Variants in TARDBP observed in about 807,000 individuals in gnomAD.
TARDBP encodes the protein TAR DNA-binding protein 43.
TARDBP carries 4 observed loss-of-function variants against 38.3 expected under a neutral mutation model. That is an observed-to-expected ratio of 0.10 (90% CI 0.05 to 0.24). TARDBP has a LOEUF of 0.24. Among genes scored for constraint, TARDBP ranks in the 10% least tolerant of loss-of-function variants. The pLI, the probability that TARDBP is intolerant of heterozygous loss-of-function variation, is 1.00. For synonymous variants in TARDBP, 184 were observed against 183.8 expected, an observed-to-expected ratio of 1.00 and a Z score of -0.01; for missense variants, 202 against 521.9, an observed-to-expected ratio of 0.39 and a Z score of 5.97.
chr1:11,012,736 C>T lies in TARDBP; in HGVS notation c.-20C>T, dbSNP rs1447950051. ...TCCCTGTCGGGCTTCCCAGCAGCGG[C>T]CTAGCGGGTGAGTCGCGGAGCCTTC... On this transcript the variant is annotated 5_prime_UTR_variant, in exon 1 of 6. Coordinates refer to ENST00000240185, the MANE Select transcript of TARDBP (RefSeq NM_007375.4). The T allele has an allele frequency of 6.6e-6, 1 of 152,310 alleles. No individual in the cohort carries two copies. Among genetic ancestry groups the T allele is most frequent in the African/African-American group, 2.4e-5 (1 of 41,470 alleles). 9.4% of individuals were successfully genotyped at this position (152,310 alleles called of 1,614,324 possible).
chr1:11,020,768 G>A (rs181424644), intron 5 of TARDBP, among the ~76,000 whole-genome samples, 169 bp downstream of exon 5: 22 of 150,926 alleles, frequency 1.5e-4, no homozygotes, highest in Middle Eastern at 3.4e-3. Flanking sequence ...AAAAAAAATA[G>A]CTCGGTGTGG....
At chr1:11,026,910 A>G (rs751026105), downstream of TARDBP, 1 of 1,491,940 alleles carries the variant, frequency 6.7e-7, no homozygotes, top group Admixed American at 2.5e-5. Flanking sequence ...TATGTTCTCG[A>G]TCCAGGGAAT....
downstream of TARDBP, chr1:11,027,169 C>T: frequency 6.2e-7 from 1 of 1,614,138 alleles, no homozygotes; most frequent in Non-Finnish European, 8.5e-7. Flanking sequence ...TGATGGTCAA[C>T]AATCGGTATG....
At chr1:11,019,245 G>T in intron 4 of TARDBP, 2 of 315,346 alleles carry the variant, frequency 6.3e-6, no homozygotes, top group Non-Finnish European at 1.2e-5. Context: ...AATAACATTG[G>T]CTTATTTGGA....
chr1:11,028,013 G>T (rs1288885610), downstream of TARDBP, among the ~76,000 whole-genome samples: 30 of 152,144 alleles, frequency 2.0e-4, no homozygotes, highest in Admixed American at 2.0e-3. Context: ...CCTGAGGTCA[G>T]GAGTTTGAGA....
In TARDBP at chr1:11,023,276, A is replaced by G. The variant is rs1327650115; in HGVS notation, c.*622A>G. 4.5e-6 allele frequency: 7 copies of G among 1,546,960 alleles called. No individual in the cohort carries two copies. The highest frequency in any genetic ancestry group is 1.4e-5 in the African/African-American group (1 of 73,102). Reference sequence around the variant, plus strand: ...ATTCTGCCATAGGAATACTGTCTACATGCTTTCTCATTCAAGAATTCGTCA... The same window carrying G: ...ATTCTGCCATAGGAATACTGTCTACGTGCTTTCTCATTCAAGAATTCGTCA... On this transcript the variant is annotated 3_prime_UTR_variant, in exon 6 of 6. Coordinates refer to ENST00000240185, the MANE Select transcript of TARDBP (RefSeq NM_007375.4).
At chr1:11,014,407 T>C (rs1643474360) in intron 2 of TARDBP, among the ~76,000 whole-genome samples, 1 of 152,216 alleles carries the variant, frequency 6.6e-6, no homozygotes. Context: ...GCAGTTCCAA[T>C]TACAATTTCG....
chr1:11,018,956 A>G, intron 4 of TARDBP, 83 bp downstream of exon 4: 1 of 1,592,858 alleles, frequency 6.3e-7, no homozygotes, highest in Non-Finnish European at 8.6e-7. Flanking sequence ...ACACTTAGAA[A>G]AGATAGCGGC....
intron 3 of TARDBP, 113 bp downstream of exon 3, chr1:11,017,120 C>G (rs749616976): frequency 3.1e-5 from 38 of 1,222,622 alleles, no homozygotes; most frequent in Non-Finnish European, 4.3e-5. Context: ...GTTCTGGCGT[C>G]AAACTCCTGG....
At chr1:11,020,832 TG>T (rs983746420) in intron 5 of TARDBP, among the ~76,000 whole-genome samples, 5 of 151,940 alleles carry the variant, frequency 3.3e-5, no homozygotes, top group Non-Finnish European at 7.4e-5. Context: ...GGGAATCGCT[TG>T]AACCCAGGAG....
At chr1:11,016,790 T>G in intron 2 of TARDBP, 54 bp from the exon 3 acceptor site, 2 of 1,586,702 alleles carry the variant, frequency 1.3e-6, no homozygotes, top group Non-Finnish European at 1.7e-6. Context: ...AGGTAGTGTT[T>G]TTAAAGAAGT....
At chr1:11,021,283 T>C (rs185182703) in intron 5 of TARDBP, among the ~76,000 whole-genome samples, 176 of 152,038 alleles carry the variant, frequency 1.2e-3, no homozygotes, top group African/African-American at 4.1e-3. Flanking sequence ...GGATTACAGG[T>C]GCCTGCCACC....
chr1:11,022,890 C>G lies in TARDBP; in HGVS notation c.*236C>G. 1.5e-6 allele frequency: 2 copies of G among 1,364,030 alleles called. No individual in the cohort carries two copies. Among genetic ancestry groups the G allele is most frequent in the Non-Finnish European group, 1.9e-6 (2 of 1,060,340 alleles). The allele number at this position is 1,364,030 out of a possible 1,614,324, so 84.5% of individuals were successfully genotyped here. On this transcript the variant is annotated 3_prime_UTR_variant, in exon 6 of 6. Coordinates refer to ENST00000240185, the MANE Select transcript of TARDBP (RefSeq NM_007375.4). The surrounding 1 kb of genome is among the most constrained non-coding windows in gnomAD (Gnocchi z 4.5). Reference sequence around the variant, plus strand: ...ATATTGAGTGGTTGAAAGTGAACTGCTGTTTGCCTGATTGGTAAACCAACA... The same window carrying G: ...ATATTGAGTGGTTGAAAGTGAACTGGTGTTTGCCTGATTGGTAAACCAACA...
intron 3 of TARDBP, chr1:11,018,488 C>T: frequency 1.9e-6 from 1 of 530,976 alleles, no homozygotes; most frequent in Non-Finnish European, 3.3e-6. Flanking sequence ...CGCGCCTGGC[C>T]CCATCTCTCT....
rs778268123 is a variant in TARDBP, at chr1:11,017,089, G to A, written c.402+82G>A. 7.6e-6 allele frequency: 11 copies of A among 1,449,376 alleles called. No homozygotes were observed. In the African/African-American group the frequency reaches 8.4e-5, roughly 11 times the overall value. The allele number at this position is 1,449,376 out of a possible 1,614,324, so 89.8% of individuals were successfully genotyped here. The stretch of plus-strand genomic sequence containing the variant: ...TTATTTATTGGTATAAATAGAGATG[G>A]GGTATCACTATGTTCCCTAGGTTCT... On this transcript the variant is annotated intron_variant, in intron 3 of 5. Transcript: ENST00000240185.
At chr1:11,027,071 G>A (rs749013108), downstream of TARDBP, 9 of 1,593,982 alleles carry the variant, frequency 5.6e-6, no homozygotes, top group South Asian at 8.0e-5. Context: ...AGCTGTCCTT[G>A]CCCCCACTTT....
chr1:11,026,268 A>G (rs1643730457), downstream of TARDBP: 2 of 152,296 alleles, frequency 1.3e-5, no homozygotes, highest in Admixed American at 1.3e-4. Context: ...CTTAAAATGT[A>G]TTGCCAAATA....
downstream of TARDBP, chr1:11,027,781 C>A: frequency 1.2e-6 from 1 of 822,570 alleles, no homozygotes; most frequent in Non-Finnish European, 1.9e-6. Context: ...GGGTGACTAC[C>A]TATACAGGCA....
At chr1:11,015,124 A>G (rs1374914137) in intron 2 of TARDBP, among the ~76,000 whole-genome samples, 18 of 151,950 alleles carry the variant, frequency 1.2e-4, no homozygotes, top group Admixed American at 1.2e-3. Flanking sequence ...AAAAATTGAT[A>G]ATGTAAACTC....
Sources: gnomAD v4.1 joint callset for allele counts (sites outside exome capture counted in the v4.1 genomes callset) on GRCh38, gnomAD v4.1.1 for gene constraint, Gnocchi (gnomAD v3.1) non-coding constraint, MANE v1.5 for transcripts, NCBI Gene and HGNC (gene_info 2026-07-23, HGNC 2026-07-21) for gene names.